AMPH: variants seen among roughly 807,000 people sequenced by gnomAD.
AMPH encodes amphiphysin.
A neutral mutation model predicts 99.1 loss-of-function variants in AMPH; 49 were observed. The ratio of observed to expected loss-of-function variants is 0.49; its 90% CI spans 0.39 to 0.63. The LOEUF (loss-of-function observed/expected upper bound fraction) is 0.63. AMPH is among the 20% of genes least tolerant of loss of function. The pLI, the probability that AMPH is intolerant of heterozygous loss-of-function variation, is 0.00. For missense variants in AMPH, 759 were observed against 863.4 expected (o/e 0.88, Z 1.52); for synonymous variants, 314 against 317.3 (o/e 0.99, Z 0.11).
chr7:38,429,019 C>T (rs1562747827), intron 14 of AMPH: 1 of 1,290,068 alleles, frequency 7.8e-7, no homozygotes. Context: ...TCCTCTGTAC[C>T]TTCTAGTGTC....
chr7:38,565,164 C>T (rs1045114141), intron 1 of AMPH, among the ~76,000 whole-genome samples: 9 of 151,618 alleles, frequency 5.9e-5, no homozygotes, highest in Non-Finnish European at 1.2e-4. Context: ...TGGGATGAAT[C>T]CTACTTTGTC....
chr7:38,431,673 AAAAGTAATTGCTC>A (rs1389854309), intron 13 of AMPH, among the ~76,000 whole-genome samples: 10 of 152,074 alleles, frequency 6.6e-5, no homozygotes, highest in Non-Finnish European at 1.0e-4. Flanking sequence ...AAAAAAAAAA[AAAAGTAATTGCTC>A]AAAGTCTCAA....
chr7:38,630,600 G>C (rs1199099952), intron 1 of AMPH, among the ~76,000 whole-genome samples: 2 of 152,156 alleles, frequency 1.3e-5, no homozygotes, highest in Non-Finnish European at 2.9e-5. Flanking sequence ...ATTTATTTTT[G>C]ACCTTCTAAA....
At chr7:38,518,496 C>G (rs1337663261) in intron 2 of AMPH, among the ~76,000 whole-genome samples, 3 of 152,204 alleles carry the variant, frequency 2.0e-5, no homozygotes, top group Admixed American at 2.0e-4. Context: ...GATATAGAGT[C>G]AAGGGTGATT....
intron 17 of AMPH, among the ~76,000 whole-genome samples, chr7:38,400,956 AAG>A (rs1784823639): frequency 6.6e-6 from 1 of 152,228 alleles, no homozygotes; most frequent in Admixed American, 6.5e-5. Flanking sequence ...AAAATAATAA[AAG>A]AAATAATTTA....
intron 15 of AMPH, among the ~76,000 whole-genome samples, chr7:38,422,946 C>A (rs1785644465): frequency 6.6e-6 from 1 of 152,186 alleles, no homozygotes; most frequent in Non-Finnish European, 1.5e-5. Flanking sequence ...GAAACATGTT[C>A]AAGTCCCCTT....
At chr7:38,579,098 T>C (rs1026343828) in intron 1 of AMPH, among the ~76,000 whole-genome samples, 1 of 151,930 alleles carries the variant, frequency 6.6e-6, no homozygotes, top group East Asian at 1.9e-4. Flanking sequence ...GCCCCAGGAG[T>C]CCCTAGACCA....
intron 1 of AMPH, among the ~76,000 whole-genome samples, chr7:38,598,276 T>C (rs1451540504): frequency 6.6e-6 from 1 of 151,864 alleles, no homozygotes; most frequent in East Asian, 1.9e-4. Flanking sequence ...GTTCTTTTGT[T>C]GTTGTTGTTG....
intron 1 of AMPH, among the ~76,000 whole-genome samples, chr7:38,566,711 A>G (rs1791758668): frequency 6.6e-6 from 1 of 152,244 alleles, no homozygotes; most frequent in African/African-American, 2.4e-5. Context: ...GAAAAAAAAC[A>G]TCAAAAAGTG....
intron 11 of AMPH, among the ~76,000 whole-genome samples, chr7:38,449,011 T>C (rs1005255020): frequency 5.9e-5 from 9 of 152,118 alleles, no homozygotes; most frequent in Non-Finnish European, 1.2e-4. Flanking sequence ...GTCATGAGAA[T>C]AGAGTCAGCA....
At chr7:38,430,542 C>T (rs750979499) in intron 13 of AMPH, among the ~76,000 whole-genome samples, 5 of 152,160 alleles carry the variant, frequency 3.3e-5, no homozygotes, top group South Asian at 4.1e-4. Context: ...TCTTTTTAGA[C>T]GATACCTTCA....
intron 1 of AMPH, among the ~76,000 whole-genome samples, chr7:38,557,519 C>G (rs1433006971): frequency 2.0e-5 from 3 of 152,176 alleles, no homozygotes; most frequent in Non-Finnish European, 4.4e-5. Context: ...CCACGTGAAG[C>G]AGGATGTGTT....
chr7:38,555,028 G>A (rs1159562522), intron 1 of AMPH, among the ~76,000 whole-genome samples: 1 of 152,140 alleles, frequency 6.6e-6, no homozygotes, highest in Non-Finnish European at 1.5e-5. Flanking sequence ...GTTTTGACCT[G>A]GCTATTGGGG....
chr7:38,477,097 T>C (rs1788116114), intron 5 of AMPH, 128 bp from the exon 6 acceptor site: 1 of 704,018 alleles, frequency 1.4e-6, no homozygotes, highest in Non-Finnish European at 2.4e-6. Context: ...CAAGATGGGC[T>C]GGAGTTTCAC....
chr7:38,407,072 ATATATGTG>A (rs1414426279), intron 17 of AMPH, among the ~76,000 whole-genome samples: 2 of 32,150 alleles, frequency 6.2e-5, no homozygotes, highest in African/African-American at 2.1e-4. Flanking sequence ...ATATATATAT[ATATATGTG>A]TGTGTGTGTG....
chr7:38,594,584 C>T (rs953461705), intron 1 of AMPH, among the ~76,000 whole-genome samples: 14 of 152,044 alleles, frequency 9.2e-5, no homozygotes, highest in Non-Finnish European at 5.9e-5. Context: ...AGAAGGGGTA[C>T]GTATGAATGG....
rs559121880 is a variant in AMPH, at chr7:38,523,027, G to T, written c.150+11904C>A. Among the ~76,000 whole-genome samples, 37 of 151,526 alleles carry T rather than the reference G, an allele frequency of 2.4e-4. No individual in the cohort carries two copies. In the East Asian group the frequency reaches 6.2e-3, roughly 26 times the overall value. ...GGAGGCTGAGGCAGGAGAATCGCTTGAAACCAGAAGGCAGAGGTTGCAGTG... is the reference window on the plus strand; with the variant it reads ...GGAGGCTGAGGCAGGAGAATCGCTTTAAACCAGAAGGCAGAGGTTGCAGTG... On this transcript the variant is annotated intron_variant, in intron 2 of 20. Coordinates refer to ENST00000356264, the MANE Select transcript of AMPH (RefSeq NM_001635.4).
chr7:38,440,034 G>A (rs1695816475), intron 11 of AMPH, among the ~76,000 whole-genome samples: 1 of 152,150 alleles, frequency 6.6e-6, no homozygotes, highest in Non-Finnish European at 1.5e-5. Flanking sequence ...TGTTTGGTTG[G>A]TTGGTTTGTA....
chr7:38,509,961 G>A (rs1197477490), intron 2 of AMPH, among the ~76,000 whole-genome samples: 1 of 98,102 alleles, frequency 1.0e-5, no homozygotes, highest in Non-Finnish European at 2.2e-5. Context: ...CTGTGTCAAG[G>A]CACAGAGATG....
Sources: gnomAD v4.1 joint callset for allele counts (sites outside exome capture counted in the v4.1 genomes callset) on GRCh38, gnomAD v4.1.1 for gene constraint, MANE v1.5 for transcripts, NCBI Gene and HGNC (gene_info 2026-07-23, HGNC 2026-07-21) for gene names.